FRMD6: variants seen among roughly 807,000 people sequenced by gnomAD.
FRMD6 encodes FERM domain-containing protein 6.
Under a neutral mutation model 73.2 loss-of-function variants are expected in FRMD6, and 37 were observed. That is an observed-to-expected ratio of 0.51 (90% CI 0.39 to 0.66). The LOEUF (loss-of-function observed/expected upper bound fraction) is 0.66, where lower values mean the gene tolerates loss of function less well. Among genes scored for constraint, FRMD6 ranks in the 30% least tolerant of loss-of-function variants. FRMD6 has a pLI of 0.00. For missense variants in FRMD6, 714 were observed against 780.5 expected, an observed-to-expected ratio of 0.91 and a Z score of 1.02; for synonymous variants, 273 against 282.2, an observed-to-expected ratio of 0.97 and a Z score of 0.33.
intron 1 of FRMD6, among the ~76,000 whole-genome samples, chr14:51,565,842 T>C (rs1202087472): frequency 6.6e-6 from 1 of 152,050 alleles, no homozygotes; most frequent in East Asian, 1.9e-4. Context: ...AATGGATCTC[T>C]CCAAGTTCAC....
At chr14:51,681,256 A>C (rs1008847100) in intron 1 of FRMD6, among the ~76,000 whole-genome samples, 4 of 152,238 alleles carry the variant, frequency 2.6e-5, no homozygotes, top group African/African-American at 9.6e-5. Flanking sequence ...AGCTGCCAAC[A>C]GGAGAAAAAC....
At chr14:51,517,127 A>G (rs752809527) in intron 1 of FRMD6, among the ~76,000 whole-genome samples, 1 of 152,226 alleles carries the variant, frequency 6.6e-6, no homozygotes, top group Non-Finnish European at 1.5e-5. Flanking sequence ...AAAATGCCTA[A>G]AATTTGGAAC....
At chr14:51,528,149 C>CAACA (rs1471818919) in intron 1 of FRMD6, among the ~76,000 whole-genome samples, 1 of 152,026 alleles carries the variant, frequency 6.6e-6, no homozygotes, top group Non-Finnish European at 1.5e-5. Flanking sequence ...CTCAAAAAAA[C>CAACA]AACAAACAAA....
chr14:51,591,374 G>A (rs1889383215), intron 2 of FRMD6, among the ~76,000 whole-genome samples: 1 of 152,190 alleles, frequency 6.6e-6, no homozygotes, highest in African/African-American at 2.4e-5. Flanking sequence ...GGTGGAAGCT[G>A]ATCCAGACTT....
chr14:51,520,731 C>A (rs189831990), intron 1 of FRMD6, among the ~76,000 whole-genome samples: 1 of 152,028 alleles, frequency 6.6e-6, no homozygotes, highest in Non-Finnish European at 1.5e-5. Context: ...AACTCCATTT[C>A]TACAAAAAAT....
chr14:51,420,664 C>T, the FRMD6 span, among the ~76,000 whole-genome samples: 1 of 152,144 alleles, frequency 6.6e-6, no homozygotes, highest in Admixed American at 6.5e-5. Context: ...TACAGTGAAA[C>T]AGCTATTTAC....
chr14:51,651,810 A>T (rs1309412288), upstream of FRMD6: 2 of 36,324 alleles, frequency 5.5e-5, no homozygotes, highest in Non-Finnish European at 1.0e-4. Flanking sequence ...GCGGGGTCTC[A>T]GGGGGCGGGG....
intron 2 of FRMD6, among the ~76,000 whole-genome samples, chr14:51,644,409 TCTCTCCC>T (rs1891968796): frequency 6.6e-6 from 1 of 150,686 alleles, no homozygotes; most frequent in African/African-American, 2.4e-5. Context: ...TCTCTCTCTC[TCTCTCCC>T]TCCCTGATCT....
chr14:51,473,750 G>A, the FRMD6 span, among the ~76,000 whole-genome samples: 2 of 151,978 alleles, frequency 1.3e-5, no homozygotes, highest in Admixed American at 1.3e-4. Context: ...CTTGAGGCAG[G>A]AGCATCTTTA....
the FRMD6 span, among the ~76,000 whole-genome samples, chr14:51,438,719 A>G: frequency 3.5e-4 from 53 of 152,334 alleles, no homozygotes; most frequent in Admixed American, 2.7e-3. Context: ...CAGTTCTCAG[A>G]ACGTTGTGCC....
At chr14:51,514,525 A>T (rs976981362) in intron 1 of FRMD6, among the ~76,000 whole-genome samples, 7 of 152,168 alleles carry the variant, frequency 4.6e-5, no homozygotes, top group Non-Finnish European at 7.3e-5. Context: ...AATAAATAAA[A>T]AAAGATAAAA....
At chr14:51,569,239 A>T (rs1486898700) in intron 1 of FRMD6, among the ~76,000 whole-genome samples, 2 of 152,188 alleles carry the variant, frequency 1.3e-5, no homozygotes, top group Non-Finnish European at 2.9e-5. Flanking sequence ...TGGTTCTCAG[A>T]GTTTCCCAAA....
At chr14:51,720,502 G>A in intron 11 of FRMD6, 112 bp downstream of exon 11, 3 of 926,596 alleles carry the variant, frequency 3.2e-6, no homozygotes, top group Non-Finnish European at 5.0e-6. Flanking sequence ...TAATAAAGTG[G>A]AAGAGGTGTC....
chr14:51,418,563 G>C, the FRMD6 span, among the ~76,000 whole-genome samples: 1 of 152,204 alleles, frequency 6.6e-6, no homozygotes, highest in Non-Finnish European at 1.5e-5. Flanking sequence ...TCCCAGAGGG[G>C]CACCTGCCTG....
chr14:51,451,931 G>T, the FRMD6 span, among the ~76,000 whole-genome samples: 2 of 152,210 alleles, frequency 1.3e-5, no homozygotes, highest in African/African-American at 4.8e-5. Flanking sequence ...ATGCAAAACA[G>T]ATTAAGACAC....
intron 2 of FRMD6, among the ~76,000 whole-genome samples, chr14:51,573,614 A>T (rs1223671134): frequency 6.6e-6 from 1 of 152,218 alleles, no homozygotes; most frequent in South Asian, 2.1e-4. Flanking sequence ...CTCTGCTGGC[A>T]TACTGAATTC....
At chr14:51,499,329 G>A (rs897958005) in intron 1 of FRMD6, among the ~76,000 whole-genome samples, 1 of 152,174 alleles carries the variant, frequency 6.6e-6, no homozygotes, top group Middle Eastern at 3.2e-3. Flanking sequence ...AGTAATTGAG[G>A]TATGAATGGC....
chr14:51,581,381 C>T (rs1888713894), intron 2 of FRMD6, among the ~76,000 whole-genome samples: 1 of 152,134 alleles, frequency 6.6e-6, no homozygotes, highest in African/African-American at 2.4e-5. Flanking sequence ...AAGGCAATTC[C>T]CCACTCTCAA....
the FRMD6 span, among the ~76,000 whole-genome samples, chr14:51,437,977 G>A: frequency 8.1e-3 from 1,240 of 152,228 alleles, 21 homozygotes; most frequent in African/African-American, 0.028. Context: ...TGTACCTTGG[G>A]CTCAGAGAGT....
Sources: gnomAD v4.1 joint callset for allele counts (sites outside exome capture counted in the v4.1 genomes callset) on GRCh38, gnomAD v4.1.1 for gene constraint, MANE v1.5 for transcripts, NCBI Gene and HGNC (gene_info 2026-07-23, HGNC 2026-07-21) for gene names.